Variants in UGT2B17 observed in about 807,000 individuals in gnomAD.
UGT2B17 encodes UDP-glucuronosyltransferase 2B17.
A neutral mutation model predicts 48.2 loss-of-function variants in UGT2B17; 21 were observed. The observed-to-expected ratio is 0.44, with a 90% confidence interval of 0.31 to 0.63. UGT2B17 has a LOEUF of 0.63. Among genes scored for constraint, UGT2B17 ranks in the 20% least tolerant of loss-of-function variants. The probability of loss-of-function intolerance (pLI) is 0.08; values close to 1 mark genes in which losing one functional copy is unlikely to be tolerated. For missense variants in UGT2B17, 402 were observed against 696.1 expected (o/e 0.58, Z 4.75); for synonymous variants, 146 against 238.4 (o/e 0.61, Z 3.57).
chr4:68,557,876 C>T lies in UGT2B17; in HGVS notation c.1005+2661G>A, dbSNP rs1257433046. ...GCCTCATACCTTCATCTATAAGGTC[C>T]CTGTACAGGGTTCCTGAACTGTGTT... On this transcript the variant is annotated intron_variant, in intron 4 of 6. Coordinates refer to ENST00000317746, the MANE Select transcript of UGT2B17 (RefSeq NM_001077.4). 1.6e-5 allele frequency among the ~76,000 whole-genome samples: 2 copies of T among 123,900 alleles called. 1 individual carries two copies. The highest frequency in any genetic ancestry group is 3.4e-5 in the Non-Finnish European group (2 of 58,570). The allele number at this position is 123,900 out of a possible 152,430, so 81.3% of individuals were successfully genotyped here.
intron 4 of UGT2B17, among the ~76,000 whole-genome samples, chr4:68,557,889 C>T (rs1731030706): frequency 8.1e-6 from 1 of 124,016 alleles, no homozygotes; most frequent in Admixed American, 8.3e-5. Context: ...GTACAGGGTT[C>T]CTGAACTGTG....
At chr4:68,568,817 C>T (rs62317004) in intron 1 of UGT2B17, among the ~76,000 whole-genome samples, 39,663 of 123,278 alleles carry the variant, frequency 0.32, 9,918 homozygotes, top group Non-Finnish European at 0.44. Flanking sequence ...TTTTTAATAT[C>T]GTGGTGCAAG....
chr4:68,549,558 C>A (rs1177111056), intron 6 of UGT2B17, among the ~76,000 whole-genome samples: 1 of 124,970 alleles, frequency 8.0e-6, no homozygotes, highest in Non-Finnish European at 1.7e-5. Flanking sequence ...AGAGGGTTAA[C>A]ATCTTCAGCC....
At chr4:68,546,756 A>T (rs1201296249) in intron 6 of UGT2B17, among the ~76,000 whole-genome samples, 2 of 125,408 alleles carry the variant, frequency 1.6e-5, no homozygotes, top group Non-Finnish European at 3.4e-5. Flanking sequence ...ATGTGCAAAA[A>T]TCACAAGCAT....
intron 6 of UGT2B17, among the ~76,000 whole-genome samples, chr4:68,545,589 G>A (rs1426035693): frequency 8.0e-6 from 1 of 125,488 alleles, no homozygotes; most frequent in Non-Finnish European, 1.7e-5. Context: ...CAGAACTGAA[G>A]GAAATAGAGA....
intron 3 of UGT2B17, among the ~76,000 whole-genome samples, chr4:68,562,850 AAAT>A: frequency 7.9e-6 from 1 of 126,436 alleles, no homozygotes; most frequent in South Asian, 3.7e-4. Flanking sequence ...TCCTACAAAA[AAAT>A]TGTGATCTTG....
intron 6 of UGT2B17, among the ~76,000 whole-genome samples, chr4:68,543,226 C>T (rs534195388): frequency 1.6e-5 from 2 of 125,260 alleles, no homozygotes; most frequent in South Asian, 7.7e-4. Flanking sequence ...GCCGGGTACT[C>T]CTCTGAGAAA....
chr4:68,575,375 A>T (rs567005363), intron 1 of UGT2B17, among the ~76,000 whole-genome samples: 1 of 124,010 alleles, frequency 8.1e-6, no homozygotes, highest in South Asian at 3.7e-4. Context: ...GAAACTAAAA[A>T]GACCTATCTA....
rs764153681 is a variant in UGT2B17, at chr4:68,562,046, C to T, written c.874-1378G>A. Among the ~76,000 whole-genome samples, 44 of 125,424 alleles carry T rather than the reference C, an allele frequency of 3.5e-4. 12 individuals carry two copies. The highest frequency in any genetic ancestry group is 5.0e-4 in the Non-Finnish European group (30 of 59,424). The allele number at this position is 125,424 out of a possible 152,430, so 82.3% of individuals were successfully genotyped here. On this transcript the variant is annotated intron_variant, in intron 3 of 6. Transcript: ENST00000317746. ...AAGGAAATTCTAAAATATGTCAATTCAGACCATATATTGGTATTTTTCAAA... is the reference window on the plus strand; with the variant it reads ...AAGGAAATTCTAAAATATGTCAATTTAGACCATATATTGGTATTTTTCAAA...
chr4:68,565,752 T>C, intron 2 of UGT2B17, 32 bp from the exon 3 acceptor site: 1 of 1,319,932 alleles, frequency 7.6e-7, no homozygotes, highest in Non-Finnish European at 9.8e-7. Flanking sequence ...AAACAAAAGG[T>C]AGCTAACACG....
intron 4 of UGT2B17, among the ~76,000 whole-genome samples, chr4:68,552,299 C>A (rs541084405): frequency 1.6e-5 from 2 of 125,888 alleles, no homozygotes; most frequent in Admixed American, 8.1e-5. Flanking sequence ...CTAATTGCCT[C>A]ATTTGGAGAG....
chr4:68,547,614 A>C lies in UGT2B17; in HGVS notation c.1313+3063T>G, dbSNP rs1730839806. On this transcript the variant is annotated intron_variant, in intron 6 of 6. Coordinates refer to ENST00000317746, the MANE Select transcript of UGT2B17 (RefSeq NM_001077.4). ...CTAAAGAGCTTCTGCACAGCAAAGG[A>C]AACTACCATCAGATTGAACAGGCAA... 2.4e-5 allele frequency among the ~76,000 whole-genome samples: 3 copies of C among 126,300 alleles called. 1 individual carries two copies. The Admixed American group carries it at 2.4e-4, about 10-fold the overall frequency. The allele number at this position is 126,300 out of a possible 152,430, so 82.9% of individuals were successfully genotyped here. A position where few individuals can be genotyped will look rare whatever the true frequency, so the allele number is the denominator to read the frequency against.
At chr4:68,566,564 A>C (rs1731205990) in intron 2 of UGT2B17, among the ~76,000 whole-genome samples, 2 of 127,408 alleles carry the variant, frequency 1.6e-5, no homozygotes, top group Non-Finnish European at 3.3e-5. Context: ...CCCTGCTTGC[A>C]CTTCTCTCTC....
rs1341012731 is a variant in UGT2B17, at chr4:68,564,292, A to AT, written c.873+1279dup. On this transcript the variant is annotated intron_variant, in intron 3 of 6. Transcript: ENST00000317746. ...AAATTTCATATATATATATATATAT[A>AT]TATTTTTTTTTTTTGAGACAGAGTC... 4.4e-3 allele frequency among the ~76,000 whole-genome samples: 370 copies of AT among 84,962 alleles called. 33 individuals are homozygous for AT. The highest frequency in any genetic ancestry group is 9.0e-3 in the African/African-American group (155 of 17,228). The allele number at this position is 84,962 out of a possible 152,430, so 55.7% of individuals were successfully genotyped here.
intron 3 of UGT2B17, 75 bp downstream of exon 3, chr4:68,565,497 A>T: frequency 8.6e-7 from 1 of 1,164,962 alleles, no homozygotes; most frequent in Non-Finnish European, 1.1e-6. Context: ...TCTGAGTTAA[A>T]CACTCTGAAA....
chr4:68,538,830 T>G (rs1348658631), intron 6 of UGT2B17, among the ~76,000 whole-genome samples: 1 of 126,276 alleles, frequency 7.9e-6, no homozygotes, highest in Admixed American at 8.1e-5. Flanking sequence ...AATGGCCTTC[T>G]GTTGTTCTTT....
chr4:68,553,125 G>A (rs1297364644), intron 4 of UGT2B17, among the ~76,000 whole-genome samples: 1 of 125,196 alleles, frequency 8.0e-6, no homozygotes. Context: ...ACATTTTTGG[G>A]AGTATTTTTT....
chr4:68,556,769 C>T (rs1731008739), intron 4 of UGT2B17, among the ~76,000 whole-genome samples: 1 of 125,344 alleles, frequency 8.0e-6, no homozygotes, highest in Non-Finnish European at 1.7e-5. Context: ...TTTATTAGGG[C>T]TTATTGTTTG....
chr4:68,559,881 C>A (rs1731070817), intron 4 of UGT2B17, among the ~76,000 whole-genome samples: 1 of 125,184 alleles, frequency 8.0e-6, no homozygotes, highest in South Asian at 3.7e-4. Context: ...CATTTTTCTG[C>A]TTAAGACATT....
Sources: allele counts gnomAD v4.1 joint callset (sites outside exome capture counted in the v4.1 genomes callset), GRCh38; gene constraint gnomAD v4.1.1; transcripts MANE v1.5; gene names NCBI Gene and HGNC (gene_info 2026-07-23, HGNC 2026-07-21).